UACA: variants seen among roughly 807,000 people sequenced by gnomAD.
UACA encodes the protein nuclear membrane binding protein.
In UACA, 112 loss-of-function variants were observed where a neutral mutation model predicts 160.5. The observed-to-expected ratio is 0.70, with a 90% CI of 0.60 to 0.82. The LOEUF (loss-of-function observed/expected upper bound fraction) is 0.82, where lower values mean the gene tolerates loss of function less well. Among genes scored for constraint, UACA ranks in the 40% least tolerant of loss-of-function variants. UACA has a pLI of 0.00. For missense variants in UACA, 1,574 were observed against 1,614.6 expected, an observed-to-expected ratio of 0.97 and a Z score of 0.43; for synonymous variants, 557 against 568.4, an observed-to-expected ratio of 0.98 and a Z score of 0.29.
chr15:70,703,165 G>GT (rs1417345006), intron 1 of UACA: 13 of 1,289,012 alleles, frequency 1.0e-5, no homozygotes, highest in Non-Finnish European at 1.3e-5. Flanking sequence ...ATTCAGGGTG[G>GT]TTTTTTTGTG....
chr15:70,659,415 T>TTTTTTTTTTTTTTTTTTTTTTTTA lies in UACA; in HGVS notation c.4179+735_4179+736insTAAAAAAAAAAAAAAAAAAAAAAA. ...TGTTTGTTTTTTTTTTTTTTTTTTT[T>TTTTTTTTTTTTTTTTTTTTTTTTA]TTTTTTTGCTTGTTTTTACAGTGTG... On this transcript the variant is annotated intron_variant, in intron 18 of 18. Coordinates refer to ENST00000322954, the MANE Select transcript of UACA (RefSeq NM_018003.4). 1.5e-5 allele frequency among the ~76,000 whole-genome samples: 2 copies of TTTTTTTTTTTTTTTTTTTTTTTTA among 134,956 alleles called. 1 individual carries two copies. The highest frequency in any genetic ancestry group is 3.2e-5 in the Non-Finnish European group (2 of 63,178). 88.5% of individuals were successfully genotyped at this position (134,956 alleles called of 152,430 possible).
the UACA span, among the ~76,000 whole-genome samples, chr15:70,775,159 A>G: frequency 6.6e-6 from 1 of 152,246 alleles, no homozygotes; most frequent in South Asian, 2.1e-4. Context: ...TCTATTGAAG[A>G]AGAGACTCAA....
In UACA at chr15:70,763,518, A is replaced by T; in HGVS notation, c.-111T>A. ...AGGCGGCGCGGGCTGTACCAGCCCCACCTGCCTGCCACCTGCGGGCCCCGG... is the reference window on the plus strand; with the variant it reads ...AGGCGGCGCGGGCTGTACCAGCCCCTCCTGCCTGCCACCTGCGGGCCCCGG... On this transcript the variant is annotated 5_prime_UTR_variant, in exon 1 of 19. Transcript: ENST00000322954. The T allele has an allele frequency of 8.0e-7, 1 of 1,247,424 alleles. No individual in the cohort carries two copies. The allele number at this position is 1,247,424 out of a possible 1,614,324, so 77.3% of individuals were successfully genotyped here.
chr15:70,729,306 T>G (rs116845290), intron 1 of UACA, among the ~76,000 whole-genome samples: 2,683 of 152,196 alleles, frequency 0.018, 34 homozygotes, highest in Non-Finnish European at 0.027. Flanking sequence ...AAGAGTGGAC[T>G]GGAAAAAGAA....
chr15:70,667,669 T>C lies in UACA; in HGVS notation c.3015A>G (p.Leu1005=). ...GTGTCTGCTCTGATAACTGGTCTTT[T>C]AGTTCTTTCTCTGTTGCTTTAAATT... is the stretch of plus-strand genomic sequence containing the variant. ...ERKFKATEKE[L]KDQLSEQTQK... Residue 1005 remains leucine, a synonymous_variant, in exon 16 of 19, where the codon CTA becomes CTG. Transcript: ENST00000322954. 1 of 1,613,590 alleles carries C rather than the reference T, an allele frequency of 6.2e-7. No individual in the cohort carries two copies. The highest frequency in any genetic ancestry group is 8.5e-7 in the Non-Finnish European group (1 of 1,180,002).
chr15:70,663,926 G>A (rs561346250), intron 17 of UACA, among the ~76,000 whole-genome samples: 21 of 151,710 alleles, frequency 1.4e-4, no homozygotes, highest in Admixed American at 9.2e-4. Flanking sequence ...GTTAAATGAC[G>A]AGTTAATGGG....
At chr15:70,745,446 G>GAAAAA (rs71152312) in intron 1 of UACA, among the ~76,000 whole-genome samples, 2 of 129,448 alleles carry the variant, frequency 1.5e-5, no homozygotes, top group South Asian at 2.3e-4. Context: ...AAAAGAAAAA[G>GAAAAA]AAAAAAAAAA....
the UACA span, among the ~76,000 whole-genome samples, chr15:70,778,490 C>G: frequency 6.6e-6 from 1 of 152,318 alleles, no homozygotes; most frequent in Non-Finnish European, 1.5e-5. Context: ...CCTTCCAACT[C>G]TCTGACCATG....
intron 1 of UACA, chr15:70,703,124 A>G (rs1247158222): frequency 1.6e-6 from 2 of 1,289,162 alleles, no homozygotes; most frequent in African/African-American, 1.5e-5. Flanking sequence ...TACTTGTATC[A>G]ACATTTCTTA....
In UACA at chr15:70,669,016, A is replaced by G. The variant is rs1897041166; in HGVS notation, c.1668T>C (p.Ala556=). The G allele has an allele frequency of 6.2e-7, 1 of 1,613,914 alleles. No homozygotes were observed. The highest frequency in any genetic ancestry group is 2.2e-5 in the East Asian group (1 of 44,868). ...TTCTTAATTTCCCCACTTCTGCTGA[A>G]GCACCTTCATATTTTACTTTCAAGT... ...LKDLKVKYEG[A]SAEVGKLRNQ... Residue 556 remains alanine (A), a synonymous_variant, in exon 16 of 19, where the codon GCT becomes GCC. Coordinates refer to ENST00000322954, the MANE Select transcript of UACA (RefSeq NM_018003.4).
chr15:70,727,395 A>G (rs906416240), intron 1 of UACA, among the ~76,000 whole-genome samples: 2 of 152,212 alleles, frequency 1.3e-5, no homozygotes, highest in Admixed American at 6.5e-5. Context: ...CTGTATAACC[A>G]GAAAATAGAT....
intron 15 of UACA, among the ~76,000 whole-genome samples, chr15:70,670,167 C>T (rs981361974): frequency 1.3e-5 from 2 of 152,136 alleles, no homozygotes; most frequent in Non-Finnish European, 2.9e-5. Flanking sequence ...GGTGAGCAGG[C>T]TCAAGCATGC....
At position 70,688,045 on chromosome 15, in the gene UACA, T is replaced by C. The variant is rs143116295; in HGVS notation, c.425-225A>G. 3.7e-3 allele frequency among the ~76,000 whole-genome samples: 556 copies of C among 152,276 alleles called. 1 individual carries two copies. The highest frequency in any genetic ancestry group is 5.6e-3 in the Non-Finnish European group (384 of 68,018). ...TTAGGACCAAGGAATAACGTCAACCTTGTAGAAGACAAGAACACACTACTA... is the reference window on the plus strand; with the variant it reads ...TTAGGACCAAGGAATAACGTCAACCCTGTAGAAGACAAGAACACACTACTA... On this transcript the variant is annotated intron_variant, in intron 5 of 18. Coordinates refer to ENST00000322954, the MANE Select transcript of UACA (RefSeq NM_018003.4).
chr15:70,663,697 G>T (rs1896800857), intron 17 of UACA, among the ~76,000 whole-genome samples: 1 of 152,006 alleles, frequency 6.6e-6, no homozygotes, highest in Non-Finnish European at 1.5e-5. Flanking sequence ...TGATAAAAAA[G>T]GATGAGTTCA....
At chr15:70,678,014 AT>A in intron 11 of UACA, 84 bp downstream of exon 11, 1 of 1,085,362 alleles carries the variant, frequency 9.2e-7, no homozygotes, top group Non-Finnish European at 1.3e-6. Flanking sequence ...CAATGAGCTA[AT>A]TTTACCTTCT....
At chr15:70,747,710 T>C (rs1461970170) in intron 1 of UACA, among the ~76,000 whole-genome samples, 1 of 152,166 alleles carries the variant, frequency 6.6e-6, no homozygotes, top group Non-Finnish European at 1.5e-5. Context: ...TCAGTAGCAG[T>C]GCCTGGACTG....
At chr15:70,771,998 A>T in the UACA span, among the ~76,000 whole-genome samples, 20 of 152,198 alleles carry the variant, frequency 1.3e-4, no homozygotes, top group Non-Finnish European at 8.8e-5. Flanking sequence ...TTGTGTTCTA[A>T]TAGGAAGCTA....
chr15:70,668,371 T>TA lies in UACA; in HGVS notation c.2312dup (p.Thr772AsnfsTer19). 6.2e-7 allele frequency: 1 copy of TA among 1,607,554 alleles called. No individual in the cohort carries two copies. The highest frequency in any genetic ancestry group is 8.5e-7 in the Non-Finnish European group (1 of 1,178,534). On this transcript the variant is annotated frameshift_variant, in exon 16 of 19. Coordinates refer to ENST00000322954, the MANE Select transcript of UACA (RefSeq NM_018003.4). LOFTEE classifies it high-confidence loss of function. ...ACTTCTTTTCTGTATATTTTTGTGT[T>TA]ACATCTAAAAGCTTTCTATTAAGAT...
the UACA span, among the ~76,000 whole-genome samples, chr15:70,772,708 A>C: frequency 6.6e-6 from 1 of 152,156 alleles, no homozygotes; most frequent in Non-Finnish European, 1.5e-5. Flanking sequence ...TGGCCAAATA[A>C]ATGTAATTTA....
Sources: allele counts gnomAD v4.1 joint callset (sites outside exome capture counted in the v4.1 genomes callset), GRCh38; gene constraint gnomAD v4.1.1; transcripts MANE v1.5; gene names NCBI Gene and HGNC (gene_info 2026-07-23, HGNC 2026-07-21).